SMARCB1: variants seen among roughly 807,000 people sequenced by gnomAD.
The protein encoded by SMARCB1 is SWI/SNF related BAF chromatin remodeling complex subunit B1.
In SMARCB1, 5 loss-of-function variants were observed where a neutral mutation model predicts 49.0. That is an observed-to-expected ratio of 0.10 (90% CI 0.05 to 0.21). The LOEUF is 0.21. Among genes scored for constraint, SMARCB1 ranks in the 10% least tolerant of loss-of-function variants. SMARCB1 has a pLI of 1.00. For missense variants in SMARCB1, 226 were observed against 509.2 expected (o/e 0.44, Z 5.35); for synonymous variants, 201 against 200.1 (o/e 1.00, Z -0.04).
At chr22:23,830,901 C>T (rs1057184851) in intron 7 of SMARCB1, among the ~76,000 whole-genome samples, 1 of 151,976 alleles carries the variant, frequency 6.6e-6, no homozygotes, top group African/African-American at 2.4e-5. Flanking sequence ...CCTCATAATC[C>T]GCCCGCCTCG....
intron 1 of SMARCB1, among the ~76,000 whole-genome samples, chr22:23,787,588 C>T (rs1928093923): frequency 6.6e-6 from 1 of 152,184 alleles, no homozygotes; most frequent in Non-Finnish European, 1.5e-5. Flanking sequence ...GCCCCTGCGA[C>T]GCTTGGGGGA....
At chr22:23,815,598 A>C (rs1930145632) in intron 5 of SMARCB1, 1 of 152,272 alleles carries the variant, frequency 6.6e-6, no homozygotes, top group Non-Finnish European at 1.5e-5. Context: ...AGAAATGAAG[A>C]CATGTTTATA....
intron 2 of SMARCB1, chr22:23,792,922 C>T (rs1490922418): frequency 1.2e-5 from 2 of 168,524 alleles, no homozygotes; most frequent in Admixed American, 1.1e-4. Flanking sequence ...CCAGGAGAAG[C>T]CAGACTGGGC....
At chr22:23,833,473 G>T in intron 7 of SMARCB1, 99 bp from the exon 8 acceptor site, 1 of 1,541,886 alleles carries the variant, frequency 6.5e-7, no homozygotes. Flanking sequence ...CAGCAGTGCT[G>T]CTGGGAGGAG....
At position 23,837,257 on chromosome 22, in the gene SMARCB1, GC is replaced by G. The variant is rs1211194293; in HGVS notation, c.*3081del. On this transcript the variant is annotated 3_prime_UTR_variant, in exon 9 of 9. Transcript: ENST00000644036. ...CATCCACAGCCTGGTGGCCCTGCAG[GC>G]CCCACAGCATGAGTGCCCCAAAGCC... 2 of 1,425,328 alleles carry G rather than the reference GC, an allele frequency of 1.4e-6. No homozygotes were observed. Among genetic ancestry groups the G allele is most frequent in the Admixed American group, 4.5e-5 (2 of 44,062 alleles). 88.3% of individuals were successfully genotyped at this position (1,425,328 alleles called of 1,614,324 possible).
chr22:23,789,550 T>C (rs1170937468), intron 1 of SMARCB1, among the ~76,000 whole-genome samples: 5 of 152,218 alleles, frequency 3.3e-5, no homozygotes, highest in Non-Finnish European at 5.9e-5. Flanking sequence ...GTGTATAATG[T>C]GATGCTTAGA....
At chr22:23,821,862 CAA>C (rs35051501) in intron 6 of SMARCB1, among the ~76,000 whole-genome samples, 7 of 117,366 alleles carry the variant, frequency 6.0e-5, no homozygotes, top group Non-Finnish European at 5.4e-5. Context: ...GACTCTGTCT[CAA>C]AAAAAAAAAA....
intron 5 of SMARCB1, among the ~76,000 whole-genome samples, chr22:23,810,928 C>T (rs5760042): frequency 0.39 from 59,601 of 150,904 alleles, 13,711 homozygotes; most frequent in Admixed American, 0.52. Context: ...TACTCGGGAA[C>T]GGGAAGCTGT....
At chr22:23,825,927 C>T (rs2030358929) in intron 7 of SMARCB1, 2 of 161,832 alleles carry the variant, frequency 1.2e-5, no homozygotes, top group African/African-American at 4.8e-5. Flanking sequence ...TGATGAGTAC[C>T]ATGCTGGGCT....
At chr22:23,826,568 G>A (rs964755436) in intron 7 of SMARCB1, among the ~76,000 whole-genome samples, 1 of 152,156 alleles carries the variant, frequency 6.6e-6, no homozygotes, top group African/African-American at 2.4e-5. Context: ...AAAACAGGAT[G>A]TTCAGATTTA....
At position 23,837,544 on chromosome 22, in the gene SMARCB1, G is replaced by A. The variant is rs113017507; in HGVS notation, c.*3364G>A. The A allele has an allele frequency of 1.7e-5, 19 of 1,109,656 alleles. No homozygotes were observed. The African/African-American group carries it at 2.1e-4, about 12-fold the overall frequency. 68.7% of individuals were successfully genotyped at this position (1,109,656 alleles called of 1,614,324 possible). A position where few individuals can be genotyped will look rare whatever the true frequency, so the allele number is the denominator to read the frequency against. ...CTGGGAGGGCAGGAAGATGGGGATGGAGCCAGGTGTGAGGAGAACTCCAGC... is the reference window on the plus strand; with the variant it reads ...CTGGGAGGGCAGGAAGATGGGGATGAAGCCAGGTGTGAGGAGAACTCCAGC... On this transcript the variant is annotated 3_prime_UTR_variant, in exon 9 of 9. Transcript: ENST00000644036.
At position 23,787,121 on chromosome 22, in the gene SMARCB1, C is replaced by T; in HGVS notation, c.-49C>T. On this transcript the variant is annotated 5_prime_UTR_variant, in exon 1 of 9. Coordinates refer to ENST00000644036, the MANE Select transcript of SMARCB1 (RefSeq NM_003073.5). ...AGCACGCCCCGGCCCCGCCCCAGCC[C>T]TCCTGATCCCTCGCAGCCCGGCTCC... 2 of 1,226,416 alleles carry T rather than the reference C, an allele frequency of 1.6e-6. No individual in the cohort carries two copies. The highest frequency in any genetic ancestry group is 1.2e-5 in the South Asian group (1 of 82,598). The allele number at this position is 1,226,416 out of a possible 1,614,324, so 76.0% of individuals were successfully genotyped here. A position where few individuals can be genotyped will look rare whatever the true frequency, so the allele number is the denominator to read the frequency against.
intron 3 of SMARCB1, among the ~76,000 whole-genome samples, chr22:23,797,331 C>T (rs1395790581): frequency 1.4e-5 from 2 of 143,540 alleles, no homozygotes; most frequent in African/African-American, 2.6e-5. Flanking sequence ...TTTTTTGAGA[C>T]GGAGTTTCGC....
chr22:23,828,598 GA>G, intron 7 of SMARCB1, among the ~76,000 whole-genome samples: 1 of 152,252 alleles, frequency 6.6e-6, no homozygotes, highest in East Asian at 2.0e-4. Context: ...AGATTGCAGT[GA>G]GCTGAGATTG....
intron 5 of SMARCB1, among the ~76,000 whole-genome samples, chr22:23,811,897 G>GT (rs943192075): frequency 1.3e-5 from 2 of 152,198 alleles, no homozygotes; most frequent in Non-Finnish European, 2.9e-5. Context: ...AAACTAGCTG[G>GT]TTTTTTGAAA....
chr22:23,799,007 G>A (rs557056338), intron 3 of SMARCB1, among the ~76,000 whole-genome samples: 2 of 148,374 alleles, frequency 1.3e-5, no homozygotes, highest in African/African-American at 2.5e-5. Context: ...CCCAGATGGC[G>A]CCACTGTACT....
At position 23,836,575 on chromosome 22, in the gene SMARCB1, G is replaced by T. The variant is rs933056828; in HGVS notation, c.*2395G>T. 14 of 1,131,598 alleles carry T rather than the reference G, an allele frequency of 1.2e-5. No individual in the cohort carries two copies. Among genetic ancestry groups the T allele is most frequent in the African/African-American group, 1.6e-5 (1 of 61,580 alleles). 70.1% of individuals were successfully genotyped at this position (1,131,598 alleles called of 1,614,324 possible). On this transcript the variant is annotated 3_prime_UTR_variant, in exon 9 of 9. Transcript: ENST00000644036. Reference sequence around the variant, plus strand: ...CTGCCTGGCAACCTGTGAGCTCAAAGCTCTGCCAGGCAACCATGGGCAGTT... The same window carrying T: ...CTGCCTGGCAACCTGTGAGCTCAAATCTCTGCCAGGCAACCATGGGCAGTT...
intron 5 of SMARCB1, among the ~76,000 whole-genome samples, chr22:23,804,737 T>C (rs1044225795): frequency 1.3e-5 from 2 of 152,128 alleles, no homozygotes; most frequent in Non-Finnish European, 2.9e-5. Context: ...AGAGATAGGG[T>C]TTCACCATGT....
Position 23,836,058 on chromosome 22 carries a change from C to T in SMARCB1, c.*1878C>T. On this transcript the variant is annotated 3_prime_UTR_variant, in exon 9 of 9. Transcript: ENST00000644036. ...AGGCTTAGAACAACAAGGAAAGCTG[C>T]CAGGTCAGAAGAGAAAAATGAGCCA... 4 of 985,504 alleles carry T rather than the reference C, an allele frequency of 4.1e-6. No individual in the cohort carries two copies. The highest frequency in any genetic ancestry group is 2.4e-6 in the Non-Finnish European group (2 of 829,960). 61.0% of individuals were successfully genotyped at this position (985,504 alleles called of 1,614,324 possible). A position where few individuals can be genotyped will look rare whatever the true frequency, so the allele number is the denominator to read the frequency against.
Sources: gnomAD v4.1 joint callset for allele counts (sites outside exome capture counted in the v4.1 genomes callset) on GRCh38, gnomAD v4.1.1 for gene constraint, MANE v1.5 for transcripts, NCBI Gene and HGNC (gene_info 2026-07-23, HGNC 2026-07-21) for gene names.